The following FBLN2 variants were observed in gnomAD, a reference collection of about 807,000 sequenced individuals.
FBLN2 encodes the protein fibulin 2.
FBLN2 carries 81 observed loss-of-function variants against 123.7 expected under a neutral mutation model. The observed-to-expected ratio is 0.65, with a 90% confidence interval of 0.55 to 0.79. FBLN2 has a LOEUF of 0.79. Ranked by LOEUF, FBLN2 falls within the 30% of genes least tolerant of loss-of-function variation. The probability of loss-of-function intolerance (pLI) is 0.00; values close to 1 mark genes in which losing one functional copy is unlikely to be tolerated. For missense variants in FBLN2, 1,603 were observed against 1,681.3 expected, an observed-to-expected ratio of 0.95 and a Z score of 0.81; for synonymous variants, 699 against 701.4, an observed-to-expected ratio of 1.00 and a Z score of 0.05.
At chr3:13,629,427 C>A in intron 13 of FBLN2, 135 bp downstream of exon 13, 1 of 1,251,764 alleles carries the variant, frequency 8.0e-7, no homozygotes, top group Non-Finnish European at 1.1e-6. Flanking sequence ...AGGTCGCCTT[C>A]CAGCTGGCCT....
intron 4 of FBLN2, 120 bp from the exon 5 acceptor site, chr3:13,613,864 C>T: frequency 1.8e-6 from 2 of 1,126,104 alleles, no homozygotes; most frequent in Non-Finnish European, 2.5e-6. Flanking sequence ...TGGGAGAGCG[C>T]ATAGTCTGGC....
chr3:13,614,690 CCATTCACT>C (rs1705529603), intron 5 of FBLN2, among the ~76,000 whole-genome samples: 1 of 149,562 alleles, frequency 6.7e-6, no homozygotes, highest in Non-Finnish European at 1.5e-5. Context: ...ACCCATCCAC[CCATTCACT>C]CACCCACCCA....
intron 5 of FBLN2, 51 bp downstream of exon 5, chr3:13,614,215 C>T: frequency 6.4e-7 from 1 of 1,565,496 alleles, no homozygotes; most frequent in Non-Finnish European, 8.6e-7. Flanking sequence ...GGCTGGTTGA[C>T]CTCTGGCCTT....
rs765438563 is a variant in FBLN2 at position 13,629,026 on chromosome 3, C to T, written c.2691C>T (p.Ser897=). 24 of 1,613,242 alleles carry T rather than the reference C, an allele frequency of 1.5e-5. No individual in the cohort carries two copies. The highest frequency in any genetic ancestry group is 1.8e-5 in the Non-Finnish European group (21 of 1,179,786). ...PLICARGYHA[S]DDGTKCVDVN... ...TCTGCGCGCGCGGCTACCACGCCAG[C>T]GATGATGGGACCAAGTGTGTGGGTA... is the stretch of plus-strand genomic sequence containing the variant. Residue 897 remains serine (S), a synonymous_variant, in exon 12 of 18, where the codon AGC becomes AGT. Coordinates refer to ENST00000404922, the MANE Select transcript of FBLN2 (RefSeq NM_001004019.2).
chr3:13,597,408 A>G (rs1003501362), intron 2 of FBLN2, among the ~76,000 whole-genome samples: 8 of 152,134 alleles, frequency 5.3e-5, no homozygotes, highest in Admixed American at 5.2e-4. Flanking sequence ...CACCGTCCTG[A>G]TGGCAGTCAG....
At chr3:13,574,964 T>C (rs1335400647) in intron 2 of FBLN2, among the ~76,000 whole-genome samples, 1 of 152,170 alleles carries the variant, frequency 6.6e-6, no homozygotes, top group Non-Finnish European at 1.5e-5. Context: ...TCCTCCCCCA[T>C]TAGACTCTAA....
At chr3:13,568,688 CCG>C in intron 1 of FBLN2, 2 of 843,332 alleles carry the variant, frequency 2.4e-6, no homozygotes, top group Non-Finnish European at 2.9e-6. Context: ...TCCTCTTCCG[CCG>C]GACTGACACG....
chr3:13,587,897 T>C (rs1049293658), intron 2 of FBLN2, among the ~76,000 whole-genome samples: 2 of 152,230 alleles, frequency 1.3e-5, no homozygotes, highest in African/African-American at 4.8e-5. Context: ...CCTGCCTTTC[T>C]GGACCAAACT....
intron 2 of FBLN2, among the ~76,000 whole-genome samples, chr3:13,583,686 T>C (rs1704409012): frequency 6.6e-6 from 1 of 152,186 alleles, no homozygotes; most frequent in African/African-American, 2.4e-5. Context: ...GGACTGTGGT[T>C]CCAAGTATAG....
At chr3:13,560,697 G>T (rs1354948463) in intron 1 of FBLN2, among the ~76,000 whole-genome samples, 2 of 152,214 alleles carry the variant, frequency 1.3e-5, no homozygotes, top group Non-Finnish European at 2.9e-5. Flanking sequence ...GATAATTTGT[G>T]AGTTTCGAAT....
intron 17 of FBLN2, 149 bp downstream of exon 17, chr3:13,636,717 C>A: frequency 1.1e-6 from 1 of 936,054 alleles, no homozygotes; most frequent in East Asian, 2.7e-5. Context: ...GTGACCAAAA[C>A]AAATATAAGT....
At position 13,618,961 on chromosome 3, in the gene FBLN2, C is replaced by T; in HGVS notation, c.1997C>T (p.Ser666Phe). The T allele has an allele frequency of 6.2e-7, 1 of 1,613,368 alleles. No individual in the cohort carries two copies. The highest frequency in any genetic ancestry group is 8.5e-7 in the Non-Finnish European group (1 of 1,179,732). Residue 666 changes from serine (S) to phenylalanine (F), a missense_variant, in exon 7 of 18, where the codon TCC (serine) becomes TTC (phenylalanine). Physicochemically the swap from Ser to Phe is radical, Grantham distance 155. Coordinates refer to ENST00000404922, the MANE Select transcript of FBLN2 (RefSeq NM_001004019.2). ...PQEPALKSEF[S>F]QVASNTIPLP... Reference sequence around the variant, plus strand: ...GAGCCTGCACTGAAGTCAGAATTTTCCCAGGTGGCCTCTAACACCATCCCG... The same window carrying T: ...GAGCCTGCACTGAAGTCAGAATTTTTCCAGGTGGCCTCTAACACCATCCCG...
chr3:13,609,161 C>G (rs1053740416), intron 3 of FBLN2, among the ~76,000 whole-genome samples: 1 of 152,234 alleles, frequency 6.6e-6, no homozygotes, highest in Admixed American at 6.5e-5. Context: ...CAGGCAGTGA[C>G]CAGGGACCCG....
chr3:13,549,834 A>T (rs1371233912), intron 1 of FBLN2, among the ~76,000 whole-genome samples: 4 of 151,684 alleles, frequency 2.6e-5, no homozygotes, highest in Non-Finnish European at 5.9e-5. Flanking sequence ...AGAATCTCTC[A>T]CACTCATCTC....
intron 2 of FBLN2, among the ~76,000 whole-genome samples, chr3:13,593,777 A>G: frequency 6.6e-6 from 1 of 151,658 alleles, no homozygotes; most frequent in East Asian, 1.9e-4. Flanking sequence ...GGGGAGAATT[A>G]AGTGGGTGAC....
rs1349478991 is a variant in FBLN2 at position 13,614,005 on chromosome 3, C to G, written c.1570C>G (p.Leu524Val). Residue 524 changes from leucine (L) to valine (V), a missense_variant, in exon 5 of 18, where the codon CTG (leucine) becomes GTG (valine). Transcript: ENST00000404922. ...GCAGCAATGCTGTGACTGCTGTGGC[C>G]TGGGCCTCCGCGTGCGGGCCGAGGG... Reference protein sequence around the residue: ...LYKQCCDCCGLGLRVRAEGQS... With the variant: ...LYKQCCDCCGVGLRVRAEGQS... 1 of 1,612,832 alleles carries G rather than the reference C, an allele frequency of 6.2e-7. No homozygotes were observed. Among genetic ancestry groups the G allele is most frequent in the South Asian group, 1.1e-5 (1 of 91,052 alleles).
intron 17 of FBLN2, 146 bp from the exon 18 acceptor site, chr3:13,637,416 G>A: frequency 1.5e-6 from 1 of 668,608 alleles, no homozygotes. Flanking sequence ...AGACCCAGGG[G>A]ACGTAAGGGG....
At chr3:13,561,924 G>A (rs895379028) in intron 1 of FBLN2, among the ~76,000 whole-genome samples, 1 of 152,080 alleles carries the variant, frequency 6.6e-6, no homozygotes, top group Non-Finnish European at 1.5e-5. Context: ...ACTCTGTCTG[G>A]GCCTCAGTTT....
chr3:13,602,739 G>A (rs751748165), intron 2 of FBLN2, among the ~76,000 whole-genome samples: 2 of 151,942 alleles, frequency 1.3e-5, no homozygotes, highest in Non-Finnish European at 2.9e-5. Context: ...TGAGTGTGTT[G>A]TTTTTGTTTT....
Sources: allele counts gnomAD v4.1 joint callset (sites outside exome capture counted in the v4.1 genomes callset), GRCh38; gene constraint gnomAD v4.1.1; transcripts MANE v1.5; gene names NCBI Gene and HGNC (gene_info 2026-07-23, HGNC 2026-07-21).